ST3GAL3: variants seen among roughly 807,000 people sequenced by gnomAD.
ST3GAL3 encodes ST3 beta-galactoside alpha-2,3-sialyltransferase 3, also known as CMP-N-acetylneuraminate-beta-1,4-galactoside alpha-2,3-sialyltransferase.
A neutral mutation model predicts 50.1 loss-of-function variants in ST3GAL3; 21 were observed. The observed-to-expected ratio is 0.42, with a 90% CI of 0.30 to 0.60. The LOEUF (loss-of-function observed/expected upper bound fraction) is 0.60. Ranked by LOEUF, ST3GAL3 falls within the 20% of genes least tolerant of loss-of-function variation. ST3GAL3 has a pLI of 0.19. For synonymous variants in ST3GAL3, 183 were observed against 190.0 expected (o/e 0.96, Z 0.30); for missense variants, 353 against 489.4 (o/e 0.72, Z 2.63).
intron 4 of ST3GAL3, chr1:43,824,735 C>A: frequency 3.7e-6 from 6 of 1,614,014 alleles, no homozygotes; most frequent in Non-Finnish European, 5.1e-6. Flanking sequence ...TTGCAGCTCA[C>A]CGAGGACTCT....
intron 5 of ST3GAL3, among the ~76,000 whole-genome samples, chr1:43,863,143 T>A (rs540472333): frequency 6.6e-6 from 1 of 152,284 alleles, no homozygotes; most frequent in Non-Finnish European, 1.5e-5. Context: ...GCTCACTGTC[T>A]GGGGGAAGTA....
chr1:43,764,162 A>T (rs903878533), intron 2 of ST3GAL3, among the ~76,000 whole-genome samples: 3 of 152,190 alleles, frequency 2.0e-5, no homozygotes, highest in Non-Finnish European at 4.4e-5. Flanking sequence ...TCTGTTATGT[A>T]TTTAATAATT....
Position 43,893,552 on chromosome 1 carries a change from TC to T in ST3GAL3, c.303-830del, listed in dbSNP as rs1028998791. Among the ~76,000 whole-genome samples, 28 of 152,270 alleles carry T rather than the reference TC, an allele frequency of 1.8e-4. 1 individual carries two copies. The highest frequency in any genetic ancestry group is 1.8e-3 in the Admixed American group (27 of 15,296). On this transcript the variant is annotated intron_variant, in intron 5 of 11. Transcript: ENST00000347631. ...TCCTCACTTCCCTTCCCTTCAGACT[TC>T]GTCTCCTCCTCCCCAAGCCTGTCCC...
At chr1:43,743,504 A>C in intron 2 of ST3GAL3, 1 of 428,362 alleles carries the variant, frequency 2.3e-6, no homozygotes, top group South Asian at 1.7e-5. Flanking sequence ...GTGGTGGGGC[A>C]GATTGGTTCT....
At chr1:43,742,177 C>G (rs1285388782) in intron 2 of ST3GAL3, among the ~76,000 whole-genome samples, 2 of 152,134 alleles carry the variant, frequency 1.3e-5, no homozygotes, top group Non-Finnish European at 2.9e-5. Flanking sequence ...GCCAGGAACG[C>G]TGATGGTCCA....
At chr1:43,786,536 G>C (rs1459933900) in intron 2 of ST3GAL3, among the ~76,000 whole-genome samples, 1 of 152,158 alleles carries the variant, frequency 6.6e-6, no homozygotes, top group Non-Finnish European at 1.5e-5. Flanking sequence ...CCTCAGAGAA[G>C]CCTTCCTGAA....
chr1:43,835,942 C>T (rs1558511526), intron 4 of ST3GAL3, among the ~76,000 whole-genome samples: 1 of 152,210 alleles, frequency 6.6e-6, no homozygotes, highest in Non-Finnish European at 1.5e-5. Flanking sequence ...GTTGACCACT[C>T]CTGTGCTGTC....
chr1:43,764,505 T>A (rs569229876), intron 2 of ST3GAL3, among the ~76,000 whole-genome samples: 8 of 152,152 alleles, frequency 5.3e-5, no homozygotes, highest in African/African-American at 1.9e-4. Context: ...GAAAAGCTTA[T>A]TAGGGAGTGG....
At chr1:43,906,683 T>C (rs1205014954) in intron 9 of ST3GAL3, among the ~76,000 whole-genome samples, 2 of 152,194 alleles carry the variant, frequency 1.3e-5, no homozygotes, top group African/African-American at 4.8e-5. Flanking sequence ...CTCCTCCTGT[T>C]CCTCTCCTTG....
intron 5 of ST3GAL3, among the ~76,000 whole-genome samples, chr1:43,862,745 C>CAAA (rs749080973): frequency 3.8e-5 from 4 of 104,412 alleles, no homozygotes; most frequent in South Asian, 3.0e-4. Context: ...CTGTCTCTAC[C>CAAA]AAAAAAAAAA....
chr1:43,712,423 C>G (rs867675513), intron 1 of ST3GAL3, among the ~76,000 whole-genome samples: 1 of 152,276 alleles, frequency 6.6e-6, no homozygotes. Context: ...ACCAGGTGCT[C>G]TCATCATCCA....
At chr1:43,738,367 G>A (rs982693476) in intron 2 of ST3GAL3, 3 of 152,100 alleles carry the variant, frequency 2.0e-5, no homozygotes, top group Admixed American at 6.6e-5. Context: ...CCTTTTAGAT[G>A]TTTGACTTTG....
In ST3GAL3 at chr1:43,899,655, T is replaced by C; in HGVS notation, c.672T>C (p.Ser224=). ...MQRPEQYERD[S]LFVLAGFKWQ... ...GGCCTGAGCAGTACGAGCGCGATTCTCTCTTTGTCCTCGCCGGCTTCAAGT... is the reference window on the plus strand; with the variant it reads ...GGCCTGAGCAGTACGAGCGCGATTCCCTCTTTGTCCTCGCCGGCTTCAAGT... Residue 224 remains serine (S), a synonymous_variant, in exon 9 of 12, where the codon TCT becomes TCC. Coordinates refer to ENST00000347631, the MANE Select transcript of ST3GAL3 (RefSeq NM_006279.5). The surrounding 1 kb of genome is among the most constrained non-coding windows in gnomAD (Gnocchi z 5.4). 10 of 1,614,154 alleles carry C rather than the reference T, an allele frequency of 6.2e-6. No individual in the cohort carries two copies. Among genetic ancestry groups the C allele is most frequent in the Non-Finnish European group, 7.6e-6 (9 of 1,180,026 alleles).
At chr1:43,829,120 G>A (rs530544479) in intron 4 of ST3GAL3, among the ~76,000 whole-genome samples, 160 of 151,938 alleles carry the variant, frequency 1.1e-3, no homozygotes, top group African/African-American at 3.4e-3. Flanking sequence ...ACTACTAAGG[G>A]CTTTGAAATC....
intron 4 of ST3GAL3, 25 bp downstream of exon 4, chr1:43,814,958 G>C (rs769418359): frequency 6.2e-7 from 1 of 1,612,872 alleles, no homozygotes; most frequent in Admixed American, 1.7e-5. Context: ...AAGATACCTT[G>C]GCTCTGTGGC....
chr1:43,917,417 C>T (rs1395610982), intron 9 of ST3GAL3, among the ~76,000 whole-genome samples: 2 of 119,116 alleles, frequency 1.7e-5, no homozygotes, highest in Non-Finnish European at 3.3e-5. Context: ...TTTTTTGTTT[C>T]CCTCTCTATA....
intron 5 of ST3GAL3, among the ~76,000 whole-genome samples, chr1:43,885,376 C>T (rs901479526): frequency 2.0e-5 from 3 of 152,308 alleles, no homozygotes; most frequent in Non-Finnish European, 2.9e-5. Context: ...CCTCCTTCCC[C>T]GGGTCCTTCT....
At chr1:43,820,937 G>T (rs917488551) in intron 4 of ST3GAL3, among the ~76,000 whole-genome samples, 3 of 152,194 alleles carry the variant, frequency 2.0e-5, no homozygotes, top group Non-Finnish European at 4.4e-5. Flanking sequence ...ATGAGAGTTA[G>T]CCCTTATCAG....
chr1:43,865,108 C>G (rs2071001682), intron 5 of ST3GAL3, among the ~76,000 whole-genome samples: 1 of 151,900 alleles, frequency 6.6e-6, no homozygotes, highest in Non-Finnish European at 1.5e-5. Flanking sequence ...GCTCCGCCTC[C>G]CGGGTTCACG....
Sources: gnomAD v4.1 joint callset for allele counts (sites outside exome capture counted in the v4.1 genomes callset) on GRCh38, gnomAD v4.1.1 for gene constraint, Gnocchi (gnomAD v3.1) non-coding constraint, MANE v1.5 for transcripts, NCBI Gene and HGNC (gene_info 2026-07-23, HGNC 2026-07-21) for gene names.